PTGR2: variants seen among roughly 807,000 people sequenced by gnomAD.
PTGR2 encodes 15-oxoprostaglandin 13-reductase.
In PTGR2, 32 loss-of-function variants were observed where a neutral mutation model predicts 43.4. The observed-to-expected ratio is 0.74, with a 90% CI of 0.56 to 0.99. The LOEUF (loss-of-function observed/expected upper bound fraction) is 0.99, where lower values mean the gene tolerates loss of function less well. PTGR2 is among the 50% of genes least tolerant of loss of function. PTGR2 has a pLI of 0.00. For synonymous variants in PTGR2, 106 were observed against 139.2 expected, an observed-to-expected ratio of 0.76 and a Z score of 1.68; for missense variants, 373 against 420.0, an observed-to-expected ratio of 0.89 and a Z score of 0.98.
chr14:73,872,546 T>C (rs2054761085), intron 3 of PTGR2, among the ~76,000 whole-genome samples: 1 of 152,238 alleles, frequency 6.6e-6, no homozygotes, highest in South Asian at 2.1e-4. Context: ...AGTAATTCTT[T>C]TAAATTTTTA....
At chr14:73,856,422 T>G (rs970668316) in intron 1 of PTGR2, among the ~76,000 whole-genome samples, 1 of 151,646 alleles carries the variant, frequency 6.6e-6, no homozygotes, top group African/African-American at 2.4e-5. Context: ...TATTTTTTTT[T>G]GTATTTTTAG....
rs1595363290 is a variant in PTGR2, at chr14:73,872,102, T to C, written c.157-1921T>C. Among the ~76,000 whole-genome samples the C allele has an allele frequency of 2.0e-5, 3 of 152,286 alleles. No individual in the cohort carries two copies. In the Middle Eastern group the frequency reaches 0.01, roughly 518 times the overall value. ...GTCGTCCTCTACATTTTGGATTTCA[T>C]GATAGAGGCAAGAGTGAGCCACAGA... is the stretch of plus-strand genomic sequence containing the variant. On this transcript the variant is annotated intron_variant, in intron 3 of 9. Transcript: ENST00000555661.
intron 3 of PTGR2, among the ~76,000 whole-genome samples, chr14:73,862,199 G>T (rs1968106): frequency 0.82 from 123,062 of 149,186 alleles, 50,536 homozygotes; most frequent in East Asian, 0.94. Context: ...ATTAACTTTT[G>T]TTGTTGTTGT....
chr14:73,864,527 T>G (rs2054560501), intron 3 of PTGR2, among the ~76,000 whole-genome samples: 1 of 152,226 alleles, frequency 6.6e-6, no homozygotes, highest in Non-Finnish European at 1.5e-5. Context: ...TTCTTTTGTA[T>G]TTCCTTATGG....
rs1555351368 is a variant in PTGR2, at chr14:73,877,179, T to C, written c.519+11T>C. The C allele has an allele frequency of 5.0e-6, 8 of 1,598,040 alleles. No homozygotes were observed. The highest frequency in any genetic ancestry group is 1.1e-5 in the South Asian group (1 of 89,420). ...TCTGTGGCTGGGCAGGTAAACTTTCTGAGAATTATTTGATTTTCTGATTAT... is the reference window on the plus strand; with the variant it reads ...TCTGTGGCTGGGCAGGTAAACTTTCCGAGAATTATTTGATTTTCTGATTAT... On this transcript the variant is annotated intron_variant, in intron 5 of 9. Coordinates refer to ENST00000555661, the MANE Select transcript of PTGR2 (RefSeq NM_001146154.2).
At chr14:73,877,839 T>C (rs1021704728) in intron 5 of PTGR2, 1 of 152,226 alleles carries the variant, frequency 6.6e-6, no homozygotes, top group African/African-American at 2.4e-5. Flanking sequence ...TATTGAATTC[T>C]AGAAGTGTAA....
At chr14:73,881,604 C>T (rs1338970323) in intron 8 of PTGR2, among the ~76,000 whole-genome samples, 1 of 152,062 alleles carries the variant, frequency 6.6e-6, no homozygotes, top group Non-Finnish European at 1.5e-5. Context: ...TGGGATGCTA[C>T]TATGTGTTAG....
chr14:73,867,085 T>C (rs1380438263), intron 3 of PTGR2, among the ~76,000 whole-genome samples: 3 of 75,434 alleles, frequency 4.0e-5, no homozygotes, highest in Non-Finnish European at 8.0e-5. Flanking sequence ...CAAGACTCTG[T>C]CTCAAAAAAA....
intron 2 of PTGR2, 91 bp downstream of exon 2, chr14:73,858,990 A>G (rs774025429): frequency 1.0e-6 from 1 of 1,001,380 alleles, no homozygotes; most frequent in Non-Finnish European, 1.5e-6. Flanking sequence ...TCATGTGGTA[A>G]ATTAAGGTAG....
In PTGR2 at chr14:73,882,800, C is replaced by CTTTTTTTTTTT. The variant is rs35651032; in HGVS notation, c.979+390_979+400dup. The stretch of plus-strand genomic sequence containing the variant: ...CAAGCGTGAGCCACCACGCCTGGCC[C>CTTTTTTTTTTT]TTTTTTTTTTTTTTTTTTTTTTTTT... On this transcript the variant is annotated intron_variant, in intron 9 of 9. Coordinates refer to ENST00000555661, the MANE Select transcript of PTGR2 (RefSeq NM_001146154.2). Among the ~76,000 whole-genome samples the CTTTTTTTTTTT allele has an allele frequency of 4.3e-4, 18 of 41,868 alleles. 3 individuals carry two copies. The highest frequency in any genetic ancestry group is 7.7e-4 in the Admixed American group (2 of 2,612). 27.5% of individuals were successfully genotyped at this position (41,868 alleles called of 152,430 possible). A position where few individuals can be genotyped will look rare whatever the true frequency, so the allele number is the denominator to read the frequency against.
At chr14:73,869,829 C>T (rs2054685096) in intron 3 of PTGR2, among the ~76,000 whole-genome samples, 1 of 152,124 alleles carries the variant, frequency 6.6e-6, no homozygotes, top group Non-Finnish European at 1.5e-5. Context: ...AGTTTGAGAC[C>T]AGCCTGGCCA....
At chr14:73,878,142 TA>T (rs1048566322) in intron 5 of PTGR2, 13 of 151,980 alleles carry the variant, frequency 8.6e-5, no homozygotes, top group African/African-American at 3.1e-4. Context: ...CCTGTTTCTT[TA>T]AAAAAACAAA....
At chr14:73,871,498 G>A (rs2054731573) in intron 3 of PTGR2, among the ~76,000 whole-genome samples, 1 of 151,756 alleles carries the variant, frequency 6.6e-6, no homozygotes, top group African/African-American at 2.4e-5. Flanking sequence ...CTTCTGTGAG[G>A]TGCTCTAGCA....
Position 73,884,248 on chromosome 14 carries a change from A to C in PTGR2, c.*71A>C. 2 of 978,420 alleles carry C rather than the reference A, an allele frequency of 2.0e-6. No homozygotes were observed. Among genetic ancestry groups the C allele is most frequent in the Non-Finnish European group, 3.2e-6 (2 of 628,114 alleles). The allele number at this position is 978,420 out of a possible 1,614,324, so 60.6% of individuals were successfully genotyped here. A position where few individuals can be genotyped will look rare whatever the true frequency, so the allele number is the denominator to read the frequency against. ...TGCATATTTTCAAAGATATGTTAAA[A>C]AATCCTTAGACTATACATAGCTCTT... is the stretch of plus-strand genomic sequence containing the variant. On this transcript the variant is annotated 3_prime_UTR_variant, in exon 10 of 10. Coordinates refer to ENST00000555661, the MANE Select transcript of PTGR2 (RefSeq NM_001146154.2).
At chr14:73,867,088 CAAAAA>C (rs200945001) in intron 3 of PTGR2, among the ~76,000 whole-genome samples, 49 of 100,070 alleles carry the variant, frequency 4.9e-4, no homozygotes, top group Admixed American at 1.4e-3. Context: ...GACTCTGTCT[CAAAAA>C]AAAAAAAAAA....
intron 3 of PTGR2, among the ~76,000 whole-genome samples, chr14:73,869,229 C>T (rs977521152): frequency 5.3e-5 from 8 of 152,126 alleles, no homozygotes; most frequent in Non-Finnish European, 1.2e-4. Flanking sequence ...TATCTGTCTT[C>T]CTTAGTAAAA....
Position 73,877,155 on chromosome 14 carries a change from C to T in PTGR2, c.506C>T (p.Ser169Phe), listed in dbSNP as rs777371352. Residue 169 changes from serine to phenylalanine, a missense_variant, in exon 5 of 10, where the codon TCT becomes TTT. Physicochemically the swap from Ser to Phe is radical, Grantham distance 155. Transcript: ENST00000555661. ...VVSGAAGACG[S>F]VAGQIGHFLG... ...AGTGGGGCCGCAGGTGCCTGTGGAT[C>T]TGTGGCTGGGCAGGTAAACTTTCTG... is the stretch of plus-strand genomic sequence containing the variant. 19 of 1,611,294 alleles carry T rather than the reference C, an allele frequency of 1.2e-5. No individual in the cohort carries two copies. The South Asian group carries it at 2.0e-4, about 17-fold the overall frequency.
Position 73,881,280 on chromosome 14 carries a change from A to G in PTGR2, c.927A>G (p.Glu309=). The stretch of plus-strand genomic sequence containing the variant: ...TACAGCTGAGTCAGTGGTTTAAAGA[A>G]GGAAAGCTAAAGGTAGAACTTCTAT... ...GILQLSQWFK[E]GKLKIKETVI... Residue 309 remains glutamate (E), a synonymous_variant, in exon 8 of 10, where the codon GAA becomes GAG. Transcript: ENST00000555661. The G allele has an allele frequency of 6.3e-7, 1 of 1,594,644 alleles. No homozygotes were observed. The highest frequency in any genetic ancestry group is 8.6e-7 in the Non-Finnish European group (1 of 1,162,686).
At position 73,884,156 on chromosome 14, in the gene PTGR2, T is replaced by C; in HGVS notation, c.1035T>C (p.Ile345=). ...GGNIGKQIVC[I]SEEISL is the part of the protein sequence containing the mutation. ...ACATTGGAAAGCAGATAGTTTGCAT[T>C]TCAGAAGAAATCTCTTTGTAATTGC... The change falls in exon 10 of 10, where the codon ATT becomes ATC. Residue 345 remains isoleucine (I), a synonymous_variant. Coordinates refer to ENST00000555661, the MANE Select transcript of PTGR2 (RefSeq NM_001146154.2). 1 of 1,603,322 alleles carries C rather than the reference T, an allele frequency of 6.2e-7. No homozygotes were observed. Among genetic ancestry groups the C allele is most frequent in the Non-Finnish European group, 8.5e-7 (1 of 1,173,134 alleles).
Sources: allele counts gnomAD v4.1 joint callset (sites outside exome capture counted in the v4.1 genomes callset), GRCh38; gene constraint gnomAD v4.1.1; transcripts MANE v1.5; gene names NCBI Gene and HGNC (gene_info 2026-07-23, HGNC 2026-07-21).